Variants in TYW1B observed in about 807,000 individuals in gnomAD.
TYW1B encodes tRNA-yW synthesizing protein 1 homolog B, also known as S-adenosyl-L-methionine-dependent tRNA 4-demethylwyosine synthase TYW1B.
In TYW1B, 73 loss-of-function variants were observed where a neutral mutation model predicts 86.9. That is an observed-to-expected ratio of 0.84 (90% CI 0.70 to 1.02). The LOEUF (loss-of-function observed/expected upper bound fraction) is 1.02. Ranked by LOEUF, TYW1B falls within the 50% of genes least tolerant of loss-of-function variation. TYW1B has a pLI of 0.00. For synonymous variants in TYW1B, 248 were observed against 292.8 expected (o/e 0.85, Z 1.56); for missense variants, 637 against 827.4 (o/e 0.77, Z 2.82).
intron 13 of TYW1B, among the ~76,000 whole-genome samples, chr7:72,578,814 T>C (rs1444883395): frequency 2.0e-5 from 3 of 152,188 alleles, no homozygotes; most frequent in Non-Finnish European, 2.9e-5. Flanking sequence ...TCACAGAAGC[T>C]TGGCCCCGTA....
At chr7:72,704,888 CTT>C (rs1814576232) in intron 10 of TYW1B, among the ~76,000 whole-genome samples, 1 of 152,174 alleles carries the variant, frequency 6.6e-6, no homozygotes, top group Non-Finnish European at 1.5e-5. Flanking sequence ...CCTCTCTGCA[CTT>C]TCTCTCTCTC....
At chr7:72,595,890 C>T (rs1294859540) in intron 13 of TYW1B, among the ~76,000 whole-genome samples, 1 of 151,942 alleles carries the variant, frequency 6.6e-6, no homozygotes, top group Non-Finnish European at 1.5e-5. Flanking sequence ...AAGATGTCAA[C>T]ACTGGCCGGG....
At chr7:72,810,444 T>C (rs1554477839) in intron 4 of TYW1B, 27 bp downstream of exon 4, 1 of 1,584,486 alleles carries the variant, frequency 6.3e-7, no homozygotes, top group African/African-American at 1.3e-5. Context: ...GGGGAGAATT[T>C]ATTCCTATAA....
intron 10 of TYW1B, among the ~76,000 whole-genome samples, chr7:72,707,332 C>T (rs137869108): frequency 2.6e-5 from 4 of 152,244 alleles, no homozygotes; most frequent in Non-Finnish European, 4.4e-5. Flanking sequence ...TGAATAGAGG[C>T]CCCTGGGCCC....
intron 11 of TYW1B, among the ~76,000 whole-genome samples, chr7:72,653,585 C>T (rs1475127363): frequency 1.1e-4 from 16 of 148,764 alleles, no homozygotes; most frequent in African/African-American, 2.7e-4. Context: ...CCAGCCTGGG[C>T]GACAGAGCGA....
chr7:72,753,213 CTAAT>C (rs1464175856), intron 7 of TYW1B, among the ~76,000 whole-genome samples: 7 of 151,280 alleles, frequency 4.6e-5, no homozygotes, highest in Admixed American at 6.6e-5. Flanking sequence ...TTTACAAACT[CTAAT>C]TAGATATTAT....
intron 10 of TYW1B, among the ~76,000 whole-genome samples, chr7:72,695,797 C>A (rs1477639254): frequency 2.6e-5 from 4 of 152,042 alleles, no homozygotes; most frequent in Admixed American, 2.6e-4. Context: ...GGTCCCACTA[C>A]GTTACCTAGG....
intron 10 of TYW1B, among the ~76,000 whole-genome samples, chr7:72,696,873 T>A (rs567216551): frequency 6.6e-6 from 1 of 152,144 alleles, no homozygotes; most frequent in Admixed American, 6.6e-5. Flanking sequence ...AGGGGATCCT[T>A]TGAAGTTCAG....
At chr7:72,596,903 G>C (rs1410657265) in intron 13 of TYW1B, among the ~76,000 whole-genome samples, 2 of 146,532 alleles carry the variant, frequency 1.4e-5, no homozygotes, top group Non-Finnish European at 3.0e-5. Flanking sequence ...AAAATATATA[G>C]AGAATGCCTA....
At chr7:72,796,605 G>A (rs1290575025) in intron 6 of TYW1B, among the ~76,000 whole-genome samples, 1 of 151,554 alleles carries the variant, frequency 6.6e-6, no homozygotes, top group Non-Finnish European at 1.5e-5. Flanking sequence ...AGCTCAAATT[G>A]TTCCAAGTTT....
intron 7 of TYW1B, among the ~76,000 whole-genome samples, chr7:72,754,087 T>C (rs2129571538): frequency 6.6e-6 from 1 of 152,288 alleles, no homozygotes; most frequent in African/African-American, 2.4e-5. Flanking sequence ...TGTCTTGATA[T>C]TCTTGTAAAA....
chr7:72,748,182 T>C (rs1244416245), intron 7 of TYW1B, among the ~76,000 whole-genome samples: 3 of 151,768 alleles, frequency 2.0e-5, no homozygotes, highest in Admixed American at 6.6e-5. Context: ...GGCAGGAGAA[T>C]GGCGGGAACC....
At chr7:72,619,550 A>T (rs1267839726) in intron 12 of TYW1B, among the ~76,000 whole-genome samples, 1 of 150,772 alleles carries the variant, frequency 6.6e-6, no homozygotes, top group Non-Finnish European at 1.5e-5. Flanking sequence ...CTGAGGCAGG[A>T]GAATGGCGTG....
At chr7:72,621,964 T>C (rs1812229474) in intron 12 of TYW1B, among the ~76,000 whole-genome samples, 1 of 152,248 alleles carries the variant, frequency 6.6e-6, no homozygotes, top group South Asian at 2.1e-4. Flanking sequence ...CTGCAAGGAT[T>C]GAGCACTACA....
chr7:72,665,475 G>C (rs1229807170), intron 11 of TYW1B, among the ~76,000 whole-genome samples: 2 of 152,214 alleles, frequency 1.3e-5, no homozygotes, highest in East Asian at 3.8e-4. Flanking sequence ...ATCTGGGGAT[G>C]TTATATGCAG....
At chr7:72,590,680 A>G (rs1254096961) in intron 13 of TYW1B, among the ~76,000 whole-genome samples, 2 of 152,220 alleles carry the variant, frequency 1.3e-5, no homozygotes, top group Non-Finnish European at 2.9e-5. Context: ...ACAAAACAAA[A>G]CAAAGCAAAA....
chr7:72,659,455 G>A (rs1288441093), intron 11 of TYW1B, among the ~76,000 whole-genome samples: 6 of 152,166 alleles, frequency 3.9e-5, no homozygotes, highest in Non-Finnish European at 7.4e-5. Flanking sequence ...GCCCACACCT[G>A]TAGTCCCAGC....
intron 11 of TYW1B, among the ~76,000 whole-genome samples, chr7:72,647,418 C>T (rs1812954627): frequency 6.6e-6 from 1 of 152,112 alleles, no homozygotes; most frequent in Non-Finnish European, 1.5e-5. Flanking sequence ...TTTATTCTAG[C>T]TTTATAATAA....
chr7:72,704,875 C>A lies in TYW1B; in HGVS notation c.1370+8746G>T, dbSNP rs561209048. 8.5e-5 allele frequency among the ~76,000 whole-genome samples: 13 copies of A among 152,248 alleles called. No homozygotes were observed. In the South Asian group the frequency reaches 2.7e-3, roughly 32 times the overall value. On this transcript the variant is annotated intron_variant, in intron 10 of 13. Transcript: ENST00000620995. ...TCTAGCCCAGAGCCCAAGCTTTTTG[C>A]CACCTCTCTGCACTTTCTCTCTCTC... is the stretch of plus-strand genomic sequence containing the variant.
Sources: gnomAD v4.1 joint callset for allele counts (sites outside exome capture counted in the v4.1 genomes callset) on GRCh38, gnomAD v4.1.1 for gene constraint, MANE v1.5 for transcripts, NCBI Gene and HGNC (gene_info 2026-07-23, HGNC 2026-07-21) for gene names.